Variants in STK32B observed in about 807,000 individuals in gnomAD.
STK32B encodes the protein serine/threonine kinase 32B.
In STK32B, 43 loss-of-function variants were observed where a neutral mutation model predicts 52.6. The observed-to-expected ratio is 0.82, with a 90% CI of 0.64 to 1.05. The LOEUF is 1.05. Ranked by LOEUF, STK32B falls within the 50% of genes least tolerant of loss-of-function variation. The pLI is 0.00. For synonymous variants in STK32B, 238 were observed against 204.3 expected (o/e 1.17, Z -1.41); for missense variants, 621 against 534.6 (o/e 1.16, Z -1.59).
At position 5,395,703 on chromosome 4, in the gene STK32B, C is replaced by T. The variant is rs557109040; in HGVS notation, c.435-2504C>T. ...GATTCCACTCTGTGCTAAGAGCCAA[C>T]ACAGAAGCAATGTGTGTTATGTATC... On this transcript the variant is annotated intron_variant, in intron 4 of 11. Transcript: ENST00000282908. This position sits in a 1 kb window ranked among gnomAD's most constrained non-coding sequence, Gnocchi z 4.4. Among the ~76,000 whole-genome samples, 3 of 152,322 alleles carry T rather than the reference C, an allele frequency of 2.0e-5. No homozygotes were observed. The East Asian group carries it at 5.8e-4, about 29-fold the overall frequency.
At chr4:5,329,941 T>C (rs1732123136) in intron 3 of STK32B, among the ~76,000 whole-genome samples, 1 of 152,198 alleles carries the variant, frequency 6.6e-6, no homozygotes, top group Admixed American at 6.5e-5. Context: ...TTGCCTGTCC[T>C]GGGACCAAAT....
rs555723597 is a variant in STK32B at position 5,143,638 on chromosome 4, C to T, written c.108+3678C>T. On this transcript the variant is annotated intron_variant, in intron 2 of 11. Coordinates refer to ENST00000282908, the MANE Select transcript of STK32B (RefSeq NM_018401.3). ...TTCACAGACACACCTCTCAGCCCTTCCTCTCGCCTCCACTGTCTTTCCACA... is the reference window on the plus strand; with the variant it reads ...TTCACAGACACACCTCTCAGCCCTTTCTCTCGCCTCCACTGTCTTTCCACA... Among the ~76,000 whole-genome samples, 20 of 152,272 alleles carry T rather than the reference C, an allele frequency of 1.3e-4. 1 individual carries two copies. In the South Asian group the frequency reaches 4.2e-3, roughly 32 times the overall value.
chr4:5,485,093 C>T (rs1719040180), intron 11 of STK32B, among the ~76,000 whole-genome samples: 1 of 151,678 alleles, frequency 6.6e-6, no homozygotes, highest in African/African-American at 2.4e-5. Flanking sequence ...CGTGGAGTAT[C>T]TTGGTGGCGT....
At chr4:5,483,180 A>G (rs1172444132) in intron 11 of STK32B, among the ~76,000 whole-genome samples, 1 of 151,602 alleles carries the variant, frequency 6.6e-6, no homozygotes, top group African/African-American at 2.4e-5. Flanking sequence ...TCCTCCTTGT[A>G]CCTCTGGTAG....
intron 4 of STK32B, among the ~76,000 whole-genome samples, chr4:5,389,218 C>T (rs529048438): frequency 1.2e-4 from 18 of 152,276 alleles, no homozygotes; most frequent in Admixed American, 3.3e-4. Context: ...GTCCCACATA[C>T]GGACTCCATG....
chr4:5,468,133 G>A lies in STK32B; in HGVS notation c.1106+63G>A, dbSNP rs1717585483. The A allele has an allele frequency of 7.0e-6, 11 of 1,563,346 alleles. No homozygotes were observed. The Admixed American group carries it at 1.2e-4, about 17-fold the overall frequency. ...TCCTAAGTGACCCAAGGTCCTCCTG[G>A]CAGAATCACAGTCCCTGCCCCCCAA... On this transcript the variant is annotated intron_variant, in intron 11 of 11. Coordinates refer to ENST00000282908, the MANE Select transcript of STK32B (RefSeq NM_018401.3).
chr4:5,369,613 CT>C (rs1432008044), intron 4 of STK32B, among the ~76,000 whole-genome samples: 7 of 152,222 alleles, frequency 4.6e-5, no homozygotes, highest in African/African-American at 1.4e-4. Context: ...AAAGGTATAG[CT>C]CCTTCTTCAT....
chr4:5,042,660 C>G, the STK32B span, among the ~76,000 whole-genome samples: 1 of 152,220 alleles, frequency 6.6e-6, no homozygotes, highest in Admixed American at 6.5e-5. Context: ...TAGAGTTTCA[C>G]TTGTCATCCT....
chr4:5,437,268 AT>A (rs1406118412), intron 6 of STK32B, among the ~76,000 whole-genome samples: 14 of 152,362 alleles, frequency 9.2e-5, no homozygotes, highest in African/African-American at 2.9e-4. Flanking sequence ...GCCTGAAACA[AT>A]AGAAGTTCAT....
chr4:5,150,168 T>A (rs1052791439), intron 2 of STK32B, among the ~76,000 whole-genome samples: 2 of 152,094 alleles, frequency 1.3e-5, no homozygotes, highest in East Asian at 3.8e-4. Context: ...AATTTGACTT[T>A]TAGAAGTTTT....
chr4:5,174,086 G>T (rs1489808285), intron 3 of STK32B, among the ~76,000 whole-genome samples: 3 of 152,106 alleles, frequency 2.0e-5, no homozygotes, highest in East Asian at 3.9e-4. Context: ...GATCTTTGTT[G>T]GTTTAAAGTC....
At chr4:5,447,244 G>A (rs1715544858) in intron 7 of STK32B, 1 of 154,038 alleles carries the variant, frequency 6.5e-6, no homozygotes, top group Non-Finnish European at 1.4e-5. Context: ...ATACGTATTT[G>A]TATTTTATTG....
At chr4:5,436,673 T>A in intron 6 of STK32B, 1 of 985,156 alleles carries the variant, frequency 1.0e-6, no homozygotes, top group East Asian at 1.1e-4. Flanking sequence ...CACGCGCTAT[T>A]AGGAGTTAGA....
chr4:5,476,346 C>G (rs1718240662), intron 11 of STK32B, among the ~76,000 whole-genome samples: 2 of 152,178 alleles, frequency 1.3e-5, no homozygotes, highest in Non-Finnish European at 2.9e-5. Context: ...TATCCCCCTT[C>G]TAATGCTCAC....
intron 3 of STK32B, among the ~76,000 whole-genome samples, chr4:5,272,446 G>T (rs1321876985): frequency 7.1e-6 from 1 of 141,088 alleles, no homozygotes; most frequent in Non-Finnish European, 1.5e-5. Context: ...TGTTCATCAA[G>T]GATATTGGTC....
chr4:5,330,300 A>G (rs925687765), intron 3 of STK32B, among the ~76,000 whole-genome samples: 1 of 152,208 alleles, frequency 6.6e-6, no homozygotes, highest in Non-Finnish European at 1.5e-5. Flanking sequence ...GAACTTGACA[A>G]CAGTTTGTGA....
intron 4 of STK32B, among the ~76,000 whole-genome samples, chr4:5,348,768 A>G (rs1355018500): frequency 3.9e-5 from 6 of 152,274 alleles, no homozygotes; most frequent in Admixed American, 2.0e-4. Context: ...TGCATGCACC[A>G]TCAGGGGGCC....
intron 3 of STK32B, among the ~76,000 whole-genome samples, chr4:5,267,575 C>T (rs1237209600): frequency 2.0e-5 from 3 of 152,152 alleles, no homozygotes; most frequent in South Asian, 2.1e-4. Flanking sequence ...TTAAGTGACT[C>T]GCCCAGGGTC....
intron 3 of STK32B, among the ~76,000 whole-genome samples, chr4:5,265,786 A>T (rs1167138925): frequency 6.6e-6 from 1 of 152,134 alleles, no homozygotes; most frequent in Admixed American, 6.5e-5. Context: ...TGTAAACTTT[A>T]CATTTTTTAT....
Sources: allele counts gnomAD v4.1 joint callset (sites outside exome capture counted in the v4.1 genomes callset), GRCh38; gene constraint gnomAD v4.1.1; non-coding constraint Gnocchi (gnomAD v3.1); transcripts MANE v1.5; gene names NCBI Gene and HGNC (gene_info 2026-07-23, HGNC 2026-07-21).